Variants in SMCR8 observed in about 807,000 individuals in gnomAD.
The protein encoded by SMCR8 is guanine nucleotide exchange protein SMCR8.
SMCR8 carries 30 observed loss-of-function variants against 56.6 expected under a neutral mutation model. The observed-to-expected ratio is 0.53, with a 90% CI of 0.40 to 0.72. The LOEUF (loss-of-function observed/expected upper bound fraction) is 0.72. SMCR8 is among the 30% of genes least tolerant of loss of function. The pLI is 0.00. For synonymous variants in SMCR8, 538 were observed against 456.0 expected, an observed-to-expected ratio of 1.18 and a Z score of -2.29; for missense variants, 1,198 against 1,157.0, an observed-to-expected ratio of 1.04 and a Z score of -0.51.
intron 1 of SMCR8, among the ~76,000 whole-genome samples, chr17:18,321,676 C>A (rs1982502102): frequency 6.6e-6 from 1 of 152,030 alleles, no homozygotes; most frequent in African/African-American, 2.4e-5. Flanking sequence ...TCCATCTCTA[C>A]AAAAAATTAT....
rs1403864231 is a variant in SMCR8 at position 18,323,162 on chromosome 17, G to GT, written c.*95dup. 5.2e-6 allele frequency: 6 copies of GT among 1,160,804 alleles called. No individual in the cohort carries two copies. The highest frequency in any genetic ancestry group is 4.9e-5 in the East Asian group (2 of 40,682). The allele number at this position is 1,160,804 out of a possible 1,614,324, so 71.9% of individuals were successfully genotyped here. A position where few individuals can be genotyped will look rare whatever the true frequency, so the allele number is the denominator to read the frequency against. The stretch of plus-strand genomic sequence containing the variant: ...ACCAAACAGTTGCCTGAGCTGGACT[G>GT]TTTAAGTTTCTGGTGTCTGGCAGCA... On this transcript the variant is annotated 3_prime_UTR_variant, in exon 2 of 2. Coordinates refer to ENST00000406438, the MANE Select transcript of SMCR8 (RefSeq NM_144775.3).
rs143815623 is a variant in SMCR8, at chr17:18,317,407, G to T, written c.1618G>T (p.Ala540Ser). Reference sequence around the variant, plus strand: ...TGACTTTAAGGCCAGCTACCCAAGTGCCATTAATGAAGAAGAATCATATCC... The same window carrying T: ...TGACTTTAAGGCCAGCTACCCAAGTTCCATTAATGAAGAAGAATCATATCC... ...PDDFKASYPS[A>S]INEEESYPDG... Residue 540 changes from alanine (A) to serine (S), a missense_variant, in exon 1 of 2, where the codon GCC (alanine) becomes TCC (serine). By Grantham distance (99) the Ala-to-Ser change is moderately conservative. Coordinates refer to ENST00000406438, the MANE Select transcript of SMCR8 (RefSeq NM_144775.3). 1.7e-4 allele frequency: 277 copies of T among 1,614,096 alleles called. No individual in the cohort carries two copies. The East Asian group carries it at 3.4e-3, about 20-fold the overall frequency.
At position 18,322,869 on chromosome 17, in the gene SMCR8, C is replaced by G; in HGVS notation, c.2613C>G (p.Thr871=). 4 of 1,614,098 alleles carry G rather than the reference C, an allele frequency of 2.5e-6. No individual in the cohort carries two copies. The highest frequency in any genetic ancestry group is 3.4e-6 in the Non-Finnish European group (4 of 1,179,968). The stretch of plus-strand genomic sequence containing the variant: ...TCTGCCACCACCTGCACCTGCCTAC[C>G]CACGACAAGGAGACAGAGGAGCTGG... The part of the protein sequence containing the change: ...YTFCHHLHLP[T]HDKETEELVA... Residue 871 remains threonine (T), a synonymous_variant, in exon 2 of 2, where the codon ACC becomes ACG. Transcript: ENST00000406438.
At chr17:18,318,638 A>C (rs1982407119) in intron 1 of SMCR8, among the ~76,000 whole-genome samples, 1 of 152,132 alleles carries the variant, frequency 6.6e-6, no homozygotes, top group African/African-American at 2.4e-5. Flanking sequence ...TCCTGACCTT[A>C]GGTGGTCTGC....
At chr17:18,320,112 C>T (rs1013602491) in intron 1 of SMCR8, among the ~76,000 whole-genome samples, 2 of 152,322 alleles carry the variant, frequency 1.3e-5, no homozygotes, top group African/African-American at 4.8e-5. Flanking sequence ...GCTAGCCTAG[C>T]GTGTGTCAGA....
In SMCR8 at chr17:18,322,475, A is replaced by G. The variant is rs1177594298; in HGVS notation, c.2361-142A>G. On this transcript the variant is annotated intron_variant, in intron 1 of 1. Transcript: ENST00000406438. ...GAGGAGCCCTTTGAAGATTACAATG[A>G]TCAGATTTGTCTTCCAGGAAGAGCC... 5 of 702,576 alleles carry G rather than the reference A, an allele frequency of 7.1e-6. No homozygotes were observed. In the Admixed American group the frequency reaches 1.1e-4, roughly 16 times the overall value. The allele number at this position is 702,576 out of a possible 1,614,324, so 43.5% of individuals were successfully genotyped here.
rs760465477 is a variant in SMCR8 at position 18,317,357 on chromosome 17, G to A, written c.1568G>A (p.Cys523Tyr). 1 of 1,613,986 alleles carries A rather than the reference G, an allele frequency of 6.2e-7. No individual in the cohort carries two copies. Among genetic ancestry groups the A allele is most frequent in the African/African-American group, 1.3e-5 (1 of 74,890 alleles). Reference sequence around the variant, plus strand: ...GACAGTATTGAAGTCCTCAGTACCTGCCCCTCTGAGGCCCTCATCCCTGAT... The same window carrying A: ...GACAGTATTGAAGTCCTCAGTACCTACCCCTCTGAGGCCCTCATCCCTGAT... ...SEDSIEVLST[C>Y]PSEALIPDDF... The change falls in exon 1 of 2, where the codon TGC (cysteine) becomes TAC (tyrosine). Residue 523 changes from cysteine (C) to tyrosine (Y), a missense_variant. By Grantham distance (194) the Cys-to-Tyr change is radical. Transcript: ENST00000406438.
chr17:18,317,471 T>A lies in SMCR8; in HGVS notation c.1682T>A (p.Ile561Asn), dbSNP rs1597998890. The change falls in exon 1 of 2, where the codon ATC (isoleucine) becomes AAC (asparagine). Residue 561 changes from isoleucine (I) to asparagine (N), a missense_variant. By Grantham distance (149) the Ile-to-Asn change is moderately radical (BLOSUM62 -3). Coordinates refer to ENST00000406438, the MANE Select transcript of SMCR8 (RefSeq NM_144775.3). ...GGAGCCATCCGCTTCCAGGCAAGCATCAGTCCTCCAGAACTGGGTGAGACA... is the reference window on the plus strand; with the variant it reads ...GGAGCCATCCGCTTCCAGGCAAGCAACAGTCCTCCAGAACTGGGTGAGACA... Reference protein sequence around the residue: ...NEGAIRFQASISPPELGETEE... With the variant: ...NEGAIRFQASNSPPELGETEE... The A allele has an allele frequency of 1.2e-6, 2 of 1,614,072 alleles. No individual in the cohort carries two copies. Among genetic ancestry groups the A allele is most frequent in the Non-Finnish European group, 8.5e-7 (1 of 1,180,012 alleles).
rs140450746 is a variant in SMCR8 at position 18,317,707 on chromosome 17, C to A, written c.1918C>A (p.Arg640=). 6.2e-7 allele frequency: 1 copy of A among 1,614,150 alleles called. No individual in the cohort carries two copies. Among genetic ancestry groups the A allele is most frequent in the Non-Finnish European group, 8.5e-7 (1 of 1,180,034 alleles). ...FSVENANPSS[R]DNSCEGFPAY... ...AGTGGAAAATGCCAACCCTTCTTCC[C>A]GAGACAACAGTTGTGAAGGGTTTCC... Residue 640 remains arginine, a synonymous_variant, in exon 1 of 2, where the codon CGA becomes AGA. Transcript: ENST00000406438.
Position 18,325,703 on chromosome 17 carries a change from C to G in SMCR8, c.*2633C>G, listed in dbSNP as rs1982630123. The G allele has an allele frequency of 6.6e-6, 1 of 152,254 alleles. No homozygotes were observed. Among genetic ancestry groups the G allele is most frequent in the South Asian group, 2.1e-4 (1 of 4,834 alleles). The allele number at this position is 152,254 out of a possible 1,614,324, so 9.4% of individuals were successfully genotyped here. A position where few individuals can be genotyped will look rare whatever the true frequency, so the allele number is the denominator to read the frequency against. Reference sequence around the variant, plus strand: ...TCACTCCGGGGAACTGAAACCTACTCTGAGTCTCACATCTCTAAACCTCAG... The same window carrying G: ...TCACTCCGGGGAACTGAAACCTACTGTGAGTCTCACATCTCTAAACCTCAG... On this transcript the variant is annotated 3_prime_UTR_variant, in exon 2 of 2. Coordinates refer to ENST00000406438, the MANE Select transcript of SMCR8 (RefSeq NM_144775.3).
In SMCR8 at chr17:18,316,784, C is replaced by T. The variant is rs757757554; in HGVS notation, c.995C>T (p.Thr332Ile). ...GAGCTCTGTGACACTGAATATTTCA[C>T]CCAGACCCTGGCTCAGCTCAGCCAC... The part of the protein sequence containing the change: ...LEELCDTEYF[T>I]QTLAQLSHIE... The change falls in exon 1 of 2, where the codon ACC becomes ATC. Residue 332 changes from threonine to isoleucine, a missense_variant. Thr to Ile is a moderately conservative substitution (Grantham distance 89, BLOSUM62 -1). Coordinates refer to ENST00000406438, the MANE Select transcript of SMCR8 (RefSeq NM_144775.3). The T allele has an allele frequency of 4.3e-6, 7 of 1,614,212 alleles. No homozygotes were observed. The South Asian group carries it at 4.4e-5, about 10-fold the overall frequency.
chr17:18,322,654 C>T lies in SMCR8; in HGVS notation c.2398C>T (p.Leu800=), dbSNP rs1288933666. 1 of 1,614,078 alleles carries T rather than the reference C, an allele frequency of 6.2e-7. No homozygotes were observed. The highest frequency in any genetic ancestry group is 1.3e-5 in the African/African-American group (1 of 74,942). The change falls in exon 2 of 2, where the codon CTG becomes TTG. Residue 800 remains leucine, a synonymous_variant. Transcript: ENST00000406438. ...SPAGAGTLHA[L]SRYSRYTSIL... ...TGCCGGTGCCGGTACCCTCCATGCC[C>T]TGAGCCGCTACAGCCGCTACACGAG...
At position 18,327,670 on chromosome 17, in the gene SMCR8, A is replaced by G. The variant is rs1337278924; in HGVS notation, c.*4600A>G. 6.6e-6 allele frequency: 1 copy of G among 152,228 alleles called. No homozygotes were observed. Among genetic ancestry groups the G allele is most frequent in the African/African-American group, 2.4e-5 (1 of 41,422 alleles). 9.4% of individuals were successfully genotyped at this position (152,228 alleles called of 1,614,324 possible). A position where few individuals can be genotyped will look rare whatever the true frequency, so the allele number is the denominator to read the frequency against. On this transcript the variant is annotated 3_prime_UTR_variant, in exon 2 of 2. Transcript: ENST00000406438. Reference sequence around the variant, plus strand: ...AAGCATAATCCTATGTGATGAATTTATATGTGTTATTTTTTAAAAAGCTAT... The same window carrying G: ...AAGCATAATCCTATGTGATGAATTTGTATGTGTTATTTTTTAAAAAGCTAT...
chr17:18,320,654 A>G (rs116596411), intron 1 of SMCR8, among the ~76,000 whole-genome samples: 3,655 of 152,222 alleles, frequency 0.024, 168 homozygotes, highest in African/African-American at 0.084. Context: ...GGTTGAGGAG[A>G]GCGTCTCACT....
In SMCR8 at chr17:18,322,677, G is replaced by C. The variant is rs768508672; in HGVS notation, c.2421G>C (p.Thr807=). The change falls in exon 2 of 2, where the codon ACG becomes ACC. Residue 807 remains threonine (T), a synonymous_variant. Transcript: ENST00000406438. ...LHALSRYSRY[T]SILDLDNKTL... is the part of the protein sequence containing the mutation. ...CCCTGAGCCGCTACAGCCGCTACAC[G>C]AGCATCCTGGACCTTGACAACAAAA... 21 of 1,614,176 alleles carry C rather than the reference G, an allele frequency of 1.3e-5. No homozygotes were observed. Among genetic ancestry groups the C allele is most frequent in the Non-Finnish European group, 1.8e-5 (21 of 1,180,038 alleles).
intron 1 of SMCR8, among the ~76,000 whole-genome samples, chr17:18,320,212 G>A (rs1341066640): frequency 6.6e-6 from 1 of 152,240 alleles, no homozygotes; most frequent in Non-Finnish European, 1.5e-5. Flanking sequence ...GTCCTCATTG[G>A]TGGAGAGGTG....
chr17:18,316,477 A>G lies in SMCR8; in HGVS notation c.688A>G (p.Ile230Val), dbSNP rs1357839004. The G allele has an allele frequency of 1.2e-6, 2 of 1,614,174 alleles. No homozygotes were observed. The highest frequency in any genetic ancestry group is 1.1e-5 in the South Asian group (1 of 91,078). ...CAAAGGCTTTTACTCATCTCAGGCA[A>G]TTGAGAAAGCCAATGAACTGGCCAG... ...NDKGFYSSQA[I>V]EKANELASVE... Residue 230 changes from isoleucine (I) to valine (V), a missense_variant, in exon 1 of 2, where the codon ATT becomes GTT. Transcript: ENST00000406438.
Position 18,315,758 on chromosome 17 carries a change from C to G in SMCR8, c.-32C>G. The G allele has an allele frequency of 6.5e-7, 1 of 1,541,622 alleles. No homozygotes were observed. Among genetic ancestry groups the G allele is most frequent in the Non-Finnish European group, 8.8e-7 (1 of 1,141,304 alleles). ...ATTAACACCGCATTCTTTCCCACTT[C>G]CTCTCAATGTTTTCTTCATATATCT... On this transcript the variant is annotated 5_prime_UTR_variant, in exon 1 of 2. Transcript: ENST00000406438.
In SMCR8 at chr17:18,317,393, C is replaced by T. The variant is rs142707518; in HGVS notation, c.1604C>T (p.Ala535Val). Residue 535 changes from alanine (A) to valine (V), a missense_variant, in exon 1 of 2, where the codon GCC becomes GTC. By Grantham distance (64) the Ala-to-Val change is moderately conservative. Transcript: ENST00000406438. ...SEALIPDDFK[A>V]SYPSAINEEE... ...GCCCTCATCCCTGATGACTTTAAGGCCAGCTACCCAAGTGCCATTAATGAA... is the reference window on the plus strand; with the variant it reads ...GCCCTCATCCCTGATGACTTTAAGGTCAGCTACCCAAGTGCCATTAATGAA... The T allele has an allele frequency of 3.7e-6, 6 of 1,614,084 alleles. No individual in the cohort carries two copies. The African/African-American group carries it at 6.7e-5, about 18-fold the overall frequency.
Sources: allele counts gnomAD v4.1 joint callset (sites outside exome capture counted in the v4.1 genomes callset), GRCh38; gene constraint gnomAD v4.1.1; transcripts MANE v1.5; gene names NCBI Gene and HGNC (gene_info 2026-07-23, HGNC 2026-07-21).